MBOAT1: variants seen among roughly 807,000 people sequenced by gnomAD.
The protein encoded by MBOAT1 is membrane bound glycerophospholipid O-acyltransferase 1, also known as membrane-bound glycerophospholipid O-acyltransferase 1.
A neutral mutation model predicts 64.4 loss-of-function variants in MBOAT1; 67 were observed. The observed-to-expected ratio is 1.04, with a 90% CI of 0.85 to 1.27. The LOEUF (loss-of-function observed/expected upper bound fraction) is 1.27, where lower values mean the gene tolerates loss of function less well. Among genes scored for constraint, MBOAT1 ranks in the 50% most tolerant of loss-of-function variants. The pLI, the probability that MBOAT1 is intolerant of heterozygous loss-of-function variation, is 0.00. For synonymous variants in MBOAT1, 229 were observed against 218.9 expected (o/e 1.05, Z -0.41); for missense variants, 563 against 604.6 (o/e 0.93, Z 0.72).
At chr6:20,202,941 A>G (rs1763163525) in intron 1 of MBOAT1, among the ~76,000 whole-genome samples, 1 of 152,208 alleles carries the variant, frequency 6.6e-6, no homozygotes, top group African/African-American at 2.4e-5. Context: ...TATACAAGTC[A>G]CTGGTACAAA....
chr6:20,157,619 G>A (rs1237960388), intron 1 of MBOAT1, among the ~76,000 whole-genome samples: 1 of 151,974 alleles, frequency 6.6e-6, no homozygotes, highest in Non-Finnish European at 1.5e-5. Flanking sequence ...GCTTATGACT[G>A]GTATCCCCAA....
At chr6:20,175,880 G>A (rs112339034) in intron 1 of MBOAT1, among the ~76,000 whole-genome samples, 1,720 of 144,496 alleles carry the variant, frequency 0.012, 30 homozygotes, top group African/African-American at 0.04. Flanking sequence ...CTAGGATCAC[G>A]GGCATGAGTC....
chr6:20,135,948 T>C (rs1760978115), intron 4 of MBOAT1, among the ~76,000 whole-genome samples: 1 of 152,190 alleles, frequency 6.6e-6, no homozygotes, highest in Non-Finnish European at 1.5e-5. Context: ...TTGTACAACC[T>C]GCAGCTCGGA....
Position 20,126,595 on chromosome 6 carries a change from C to T in MBOAT1, c.636G>A (p.Gly212=). 1.2e-6 allele frequency: 2 copies of T among 1,614,000 alleles called. No homozygotes were observed. The highest frequency in any genetic ancestry group is 1.7e-6 in the Non-Finnish European group (2 of 1,179,976). ...NFKDYIAFIE[G]KHIHMKLLEV... ...CCAGCAACTTCATGTGTATATGCTT[C>T]CCCTCAATGAAGGCTATGTAGTCCT... The change falls in exon 7 of 13, where the codon GGG becomes GGA. Residue 212 remains glycine (G), a synonymous_variant. Coordinates refer to ENST00000324607, the MANE Select transcript of MBOAT1 (RefSeq NM_001080480.3).
At chr6:20,111,714 A>C (rs886679399) in intron 11 of MBOAT1, among the ~76,000 whole-genome samples, 1 of 150,618 alleles carries the variant, frequency 6.6e-6, no homozygotes, top group Non-Finnish European at 1.5e-5. Context: ...AGAGAAGAAA[A>C]TGTCTCCCCT....
intron 8 of MBOAT1, among the ~76,000 whole-genome samples, chr6:20,121,782 G>A (rs1465647990): frequency 6.6e-6 from 1 of 151,680 alleles, no homozygotes; most frequent in East Asian, 1.9e-4. Context: ...AAGATAGTAG[G>A]AGGGAATTAG....
intron 1 of MBOAT1, among the ~76,000 whole-genome samples, chr6:20,158,578 A>G (rs1171602171): frequency 6.6e-6 from 1 of 152,236 alleles, no homozygotes; most frequent in Non-Finnish European, 1.5e-5. Context: ...GGTAAACGAA[A>G]GCACACCAAA....
chr6:20,155,760 T>C (rs1337376278), intron 1 of MBOAT1, among the ~76,000 whole-genome samples: 1 of 152,136 alleles, frequency 6.6e-6, no homozygotes, highest in Non-Finnish European at 1.5e-5. Context: ...AATCAGAAAC[T>C]ACCTACTAAA....
At chr6:20,210,346 G>A (rs1341227437) in intron 1 of MBOAT1, among the ~76,000 whole-genome samples, 1 of 152,120 alleles carries the variant, frequency 6.6e-6, no homozygotes, top group Non-Finnish European at 1.5e-5. Context: ...AACACACAAA[G>A]CTTCCAAACT....
intron 1 of MBOAT1, among the ~76,000 whole-genome samples, chr6:20,206,320 T>G (rs543606458): frequency 6.6e-6 from 1 of 152,250 alleles, no homozygotes; most frequent in Non-Finnish European, 1.5e-5. Context: ...ACTGCAGGCT[T>G]GTGCCACCAC....
At chr6:20,187,163 A>G (rs766734880) in intron 1 of MBOAT1, among the ~76,000 whole-genome samples, 1 of 152,204 alleles carries the variant, frequency 6.6e-6, no homozygotes. Flanking sequence ...AAATGAATTC[A>G]GATGTCTAGG....
At chr6:20,198,544 T>G (rs1022979976) in intron 1 of MBOAT1, among the ~76,000 whole-genome samples, 1 of 152,248 alleles carries the variant, frequency 6.6e-6, no homozygotes, top group Non-Finnish European at 1.5e-5. Context: ...TTGTGACTTT[T>G]CTTAGTCAAT....
At chr6:20,145,298 A>C (rs1470608556) in intron 3 of MBOAT1, among the ~76,000 whole-genome samples, 3 of 152,166 alleles carry the variant, frequency 2.0e-5, no homozygotes, top group Non-Finnish European at 4.4e-5. Context: ...TCCTCACCAG[A>C]ACATGCTGGA....
intron 3 of MBOAT1, among the ~76,000 whole-genome samples, chr6:20,147,358 G>A (rs1257513047): frequency 2.0e-5 from 3 of 152,236 alleles, no homozygotes; most frequent in Admixed American, 6.5e-5. Context: ...TGGCACATGA[G>A]GCTGGGTGTG....
chr6:20,125,403 A>G (rs1760621250), intron 7 of MBOAT1, among the ~76,000 whole-genome samples: 2 of 152,222 alleles, frequency 1.3e-5, no homozygotes, highest in African/African-American at 4.8e-5. Context: ...CTCAGCCACA[A>G]TTACAGCTAT....
At chr6:20,211,506 A>G (rs2113783569) in intron 1 of MBOAT1, among the ~76,000 whole-genome samples, 1 of 152,260 alleles carries the variant, frequency 6.6e-6, no homozygotes, top group African/African-American at 2.4e-5. Flanking sequence ...TAATTCCTGG[A>G]CAGTTCAAAT....
chr6:20,168,310 T>C (rs1209507552), intron 1 of MBOAT1, among the ~76,000 whole-genome samples: 1 of 151,956 alleles, frequency 6.6e-6, no homozygotes, highest in Non-Finnish European at 1.5e-5. Flanking sequence ...AAAAAGTAAC[T>C]CTGAAATAGC....
intron 12 of MBOAT1, among the ~76,000 whole-genome samples, chr6:20,102,887 G>A (rs13218743): frequency 0.051 from 7,704 of 152,156 alleles, 227 homozygotes; most frequent in African/African-American, 0.073. Flanking sequence ...CGTAGCCATC[G>A]TAATGTCATA....
At chr6:20,190,417 T>G (rs373922148) in intron 1 of MBOAT1, among the ~76,000 whole-genome samples, 3 of 152,184 alleles carry the variant, frequency 2.0e-5, no homozygotes, top group East Asian at 3.9e-4. Flanking sequence ...ACGGCCAACA[T>G]AACCTCTGTC....
Sources: gnomAD v4.1 joint callset for allele counts (sites outside exome capture counted in the v4.1 genomes callset) on GRCh38, gnomAD v4.1.1 for gene constraint, MANE v1.5 for transcripts, NCBI Gene and HGNC (gene_info 2026-07-23, HGNC 2026-07-21) for gene names.